The following ATXN1 variants were observed in gnomAD, a reference collection of about 807,000 sequenced individuals.
ATXN1 encodes ataxin 1.
A neutral mutation model predicts 56.4 loss-of-function variants in ATXN1; 8 were observed. The ratio of observed to expected loss-of-function variants is 0.14; its 90% CI spans 0.08 to 0.26. The LOEUF (loss-of-function observed/expected upper bound fraction) is 0.26. ATXN1 is among the 10% of genes least tolerant of loss of function. The pLI, the probability that ATXN1 is intolerant of heterozygous loss-of-function variation, is 1.00. For missense variants in ATXN1, 987 were observed against 1,106.5 expected (o/e 0.89, Z 1.53); for synonymous variants, 514 against 494.6 (o/e 1.04, Z -0.52).
At position 16,412,580 on chromosome 6, in the gene ATXN1, C is replaced by G. The variant is rs554068660; in HGVS notation, c.-161+73392G>C. Among the ~76,000 whole-genome samples the G allele has an allele frequency of 3.1e-4, 47 of 152,310 alleles. 1 individual carries two copies. The South Asian group carries it at 8.1e-3, about 26-fold the overall frequency. On this transcript the variant is annotated intron_variant, in intron 6 of 7. Transcript: ENST00000436367. ...CAGAAATTTCATTGCCAGGCTCCCC[C>G]ACTTCAATGGACAATAGAAGAAAAT...
chr6:16,598,376 C>G (rs146675071), intron 3 of ATXN1, among the ~76,000 whole-genome samples: 241 of 152,282 alleles, frequency 1.6e-3, no homozygotes, highest in African/African-American at 5.5e-3. Context: ...TAATATGCTA[C>G]TTTGGAAGTG....
At chr6:16,689,425 C>T (rs1758993760) in intron 2 of ATXN1, among the ~76,000 whole-genome samples, 1 of 152,014 alleles carries the variant, frequency 6.6e-6, no homozygotes, top group South Asian at 2.1e-4. Flanking sequence ...GGGATCCTCC[C>T]ACCTCAGCTC....
chr6:16,435,053 G>A (rs1033081620), intron 6 of ATXN1, among the ~76,000 whole-genome samples: 1 of 152,168 alleles, frequency 6.6e-6, no homozygotes, highest in Admixed American at 6.5e-5. Flanking sequence ...ATTAGATGCA[G>A]AGGAAGAGGG....
chr6:16,443,544 A>T (rs1340014440), intron 6 of ATXN1, among the ~76,000 whole-genome samples: 1 of 152,222 alleles, frequency 6.6e-6, no homozygotes, highest in Non-Finnish European at 1.5e-5. Flanking sequence ...GTCCATCTCT[A>T]GCCCAGTGGA....
chr6:16,451,336 T>C (rs1377324016), intron 6 of ATXN1, among the ~76,000 whole-genome samples: 1 of 151,986 alleles, frequency 6.6e-6, no homozygotes, highest in Non-Finnish European at 1.5e-5. Flanking sequence ...CTACTGAAAA[T>C]ACAAAAATTA....
rs557678799 is a variant in ATXN1 at position 16,437,395 on chromosome 6, C to T, written c.-161+48577G>A. Among the ~76,000 whole-genome samples the T allele has an allele frequency of 5.3e-5, 8 of 152,334 alleles. No homozygotes were observed. In the South Asian group the frequency reaches 8.3e-4, roughly 16 times the overall value. On this transcript the variant is annotated intron_variant, in intron 6 of 7. Coordinates refer to ENST00000436367, the MANE Select transcript of ATXN1 (RefSeq NM_001128164.2). Reference sequence around the variant, plus strand: ...CAAACCCAAAAGCTACACATGTCTACATGGGAAGGGCTGTGCGGCACAGGT... The same window carrying T: ...CAAACCCAAAAGCTACACATGTCTATATGGGAAGGGCTGTGCGGCACAGGT...
chr6:16,739,542 G>A, intron 2 of ATXN1: 1 of 266,114 alleles, frequency 3.8e-6, no homozygotes, highest in Admixed American at 4.0e-5. Context: ...GTGTATTTGT[G>A]TAAAGACTCC....
intron 2 of ATXN1, among the ~76,000 whole-genome samples, chr6:16,720,088 G>A (rs905787683): frequency 6.6e-6 from 1 of 151,964 alleles, no homozygotes; most frequent in Non-Finnish European, 1.5e-5. Flanking sequence ...GCTCCTTCTG[G>A]CCTCAGAGCC....
intron 3 of ATXN1, among the ~76,000 whole-genome samples, chr6:16,637,059 C>T (rs1020061447): frequency 2.0e-4 from 31 of 152,060 alleles, no homozygotes; most frequent in Non-Finnish European, 2.9e-5. Flanking sequence ...ATGTTTATTG[C>T]GGCACTATTC....
At chr6:16,436,396 A>G (rs1392353181) in intron 6 of ATXN1, among the ~76,000 whole-genome samples, 4 of 152,232 alleles carry the variant, frequency 2.6e-5, no homozygotes, top group Non-Finnish European at 5.9e-5. Context: ...CATGGAAATA[A>G]AAGATTTATA....
intron 6 of ATXN1, among the ~76,000 whole-genome samples, chr6:16,383,483 T>G (rs1581726701): frequency 6.6e-6 from 1 of 152,242 alleles, no homozygotes; most frequent in East Asian, 1.9e-4. Context: ...TATTTATCTA[T>G]TATTAATGAT....
intron 3 of ATXN1, chr6:16,614,875 A>G (rs1457826695): frequency 6.6e-6 from 1 of 151,450 alleles, no homozygotes; most frequent in Non-Finnish European, 1.5e-5. Flanking sequence ...ATGAGCCAAG[A>G]TCGTGTGCCA....
chr6:16,317,470 G>T (rs1158921924), intron 7 of ATXN1, among the ~76,000 whole-genome samples: 1 of 151,862 alleles, frequency 6.6e-6, no homozygotes, highest in African/African-American at 2.4e-5. Context: ...GATTATAGGC[G>T]CCTGCCACCA....
At chr6:16,439,826 C>A (rs915718217) in intron 6 of ATXN1, among the ~76,000 whole-genome samples, 31 of 152,252 alleles carry the variant, frequency 2.0e-4, no homozygotes, top group African/African-American at 7.5e-4. Context: ...GTAATCCCAG[C>A]ACTTTTGGGA....
intron 4 of ATXN1, among the ~76,000 whole-genome samples, chr6:16,527,332 C>T (rs773493566): frequency 9.9e-5 from 15 of 152,010 alleles, no homozygotes; most frequent in Admixed American, 7.9e-4. Context: ...CATGGAGACA[C>T]GAATGCAGTT....
intron 6 of ATXN1, among the ~76,000 whole-genome samples, chr6:16,407,006 T>C (rs975485109): frequency 1.3e-5 from 2 of 152,250 alleles, no homozygotes; most frequent in African/African-American, 4.8e-5. Flanking sequence ...AAATTAAATT[T>C]ATGTTCAAGG....
intron 2 of ATXN1, among the ~76,000 whole-genome samples, chr6:16,669,810 G>A (rs1347024007): frequency 6.6e-6 from 1 of 151,524 alleles, no homozygotes; most frequent in Non-Finnish European, 1.5e-5. Flanking sequence ...AAATGCATTA[G>A]GTATTTGTCC....
chr6:16,663,950 A>G (rs1374952864), intron 2 of ATXN1, among the ~76,000 whole-genome samples: 4 of 152,228 alleles, frequency 2.6e-5, no homozygotes, highest in Non-Finnish European at 5.9e-5. Context: ...AAAGAAATAC[A>G]ACAAAACCCA....
intron 3 of ATXN1, among the ~76,000 whole-genome samples, chr6:16,611,928 C>T (rs1050259187): frequency 6.3e-5 from 8 of 127,166 alleles, no homozygotes; most frequent in Non-Finnish European, 1.3e-4. Flanking sequence ...GGCTCCATCT[C>T]GGCTCACTGC....
Sources: gnomAD v4.1 joint callset for allele counts (sites outside exome capture counted in the v4.1 genomes callset) on GRCh38, gnomAD v4.1.1 for gene constraint, MANE v1.5 for transcripts, NCBI Gene and HGNC (gene_info 2026-07-23, HGNC 2026-07-21) for gene names.